TLL1: variants seen among roughly 807,000 people sequenced by gnomAD.
The protein encoded by TLL1 is tolloid-like protein 1.
In TLL1, 49 loss-of-function variants were observed where a neutral mutation model predicts 128.2. The ratio of observed to expected loss-of-function variants is 0.38; its 90% CI spans 0.30 to 0.48. TLL1 has a LOEUF of 0.48. Among genes scored for constraint, TLL1 ranks in the 20% least tolerant of loss-of-function variants. The probability of loss-of-function intolerance (pLI) is 0.96; values close to 1 mark genes in which losing one functional copy is unlikely to be tolerated. For missense variants in TLL1, 1,123 were observed against 1,242.0 expected, an observed-to-expected ratio of 0.90 and a Z score of 1.44; for synonymous variants, 454 against 418.8, an observed-to-expected ratio of 1.08 and a Z score of -1.03.
intron 1 of TLL1, among the ~76,000 whole-genome samples, chr4:165,927,067 A>T (rs1273202836): frequency 6.6e-6 from 1 of 152,204 alleles, no homozygotes; most frequent in Non-Finnish European, 1.5e-5. Flanking sequence ...CTAGAGTAGA[A>T]CTCTGCAAAC....
At chr4:166,022,988 A>G (rs1738312538) in intron 8 of TLL1, among the ~76,000 whole-genome samples, 1 of 152,248 alleles carries the variant, frequency 6.6e-6, no homozygotes, top group African/African-American at 2.4e-5. Flanking sequence ...TACTCTCACA[A>G]GAAACACCAT....
intron 1 of TLL1, among the ~76,000 whole-genome samples, chr4:165,965,547 T>C (rs1054153661): frequency 2.0e-5 from 3 of 152,182 alleles, no homozygotes; most frequent in Non-Finnish European, 4.4e-5. Context: ...CCACAGCATA[T>C]TGAGTCTGAG....
chr4:166,086,253 T>C lies in TLL1; in HGVS notation c.2443-4875T>C, dbSNP rs909990294. 2.6e-5 allele frequency among the ~76,000 whole-genome samples: 4 copies of C among 152,134 alleles called. No homozygotes were observed. In the South Asian group the frequency reaches 6.2e-4, roughly 24 times the overall value. On this transcript the variant is annotated intron_variant, in intron 18 of 20. Coordinates refer to ENST00000061240, the MANE Select transcript of TLL1 (RefSeq NM_012464.5). ...CTGAACTATCAGAGTCAGTTTATTA[T>C]AGATTTTTATCGAGACTTAGGCATT...
chr4:165,969,441 G>A (rs896541724), intron 1 of TLL1, among the ~76,000 whole-genome samples: 2 of 152,172 alleles, frequency 1.3e-5, no homozygotes, highest in African/African-American at 4.8e-5. Context: ...ATTTGATGGA[G>A]GTGGAGTGCA....
chr4:165,948,833 G>C (rs980516267), intron 1 of TLL1, among the ~76,000 whole-genome samples: 8 of 152,084 alleles, frequency 5.3e-5, no homozygotes, highest in African/African-American at 1.2e-4. Flanking sequence ...ACTGAAAGAA[G>C]TATGAAGGTA....
intron 16 of TLL1, among the ~76,000 whole-genome samples, chr4:166,067,897 T>C (rs932866954): frequency 3.3e-5 from 5 of 151,836 alleles, no homozygotes; most frequent in African/African-American, 1.2e-4. Flanking sequence ...TTAAACCTAG[T>C]ATCTCTTGGT....
chr4:165,884,555 G>C (rs1018427551), intron 1 of TLL1, among the ~76,000 whole-genome samples: 2 of 152,180 alleles, frequency 1.3e-5, no homozygotes, highest in African/African-American at 4.8e-5. Flanking sequence ...TCAACTTGTG[G>C]CTGGGCGCAG....
chr4:166,098,362 G>T (rs967193075), intron 19 of TLL1, among the ~76,000 whole-genome samples: 4 of 145,648 alleles, frequency 2.7e-5, no homozygotes, highest in Non-Finnish European at 4.5e-5. Flanking sequence ...AAAAGCTTTG[G>T]GGCTCTGACT....
At chr4:166,036,246 T>C (rs1023447622) in intron 9 of TLL1, among the ~76,000 whole-genome samples, 8 of 152,084 alleles carry the variant, frequency 5.3e-5, no homozygotes, top group African/African-American at 1.9e-4. Flanking sequence ...TTCAGGATTC[T>C]TCACTCTCCA....
At chr4:166,043,014 G>A (rs1012069162) in intron 11 of TLL1, among the ~76,000 whole-genome samples, 1 of 151,976 alleles carries the variant, frequency 6.6e-6, no homozygotes, top group Admixed American at 6.6e-5. Context: ...GGTTTTTAAA[G>A]GTTAAAAAAT....
intron 18 of TLL1, among the ~76,000 whole-genome samples, chr4:166,088,845 G>A (rs2111155223): frequency 6.6e-6 from 1 of 152,204 alleles, no homozygotes. Flanking sequence ...CTGTTAAGCA[G>A]ATGTTATGAT....
At position 166,014,466 on chromosome 4, in the gene TLL1, C is replaced by T. The variant is rs1346401157; in HGVS notation, c.948C>T (p.Ser316=). 3.1e-6 allele frequency: 5 copies of T among 1,612,086 alleles called. No individual in the cohort carries two copies. The highest frequency in any genetic ancestry group is 4.2e-6 in the Non-Finnish European group (5 of 1,178,730). ...RGMFLDTILP[S]RDDNGIRPAI... is the part of the protein sequence containing the mutation. Reference sequence around the variant, plus strand: ...TGTTTCTGGATACCATTCTCCCCTCCCGTGATGATAATGGCATACGTCCTG... The same window carrying T: ...TGTTTCTGGATACCATTCTCCCCTCTCGTGATGATAATGGCATACGTCCTG... The change falls in exon 8 of 21, where the codon TCC becomes TCT. Residue 316 remains serine, a synonymous_variant. Transcript: ENST00000061240.
At chr4:165,980,311 T>C (rs1044717486) in intron 1 of TLL1, among the ~76,000 whole-genome samples, 2 of 152,092 alleles carry the variant, frequency 1.3e-5, no homozygotes, top group Admixed American at 6.6e-5. Context: ...TTCAGGAACA[T>C]GGGCAAGACC....
chr4:166,102,262 T>C lies in TLL1; in HGVS notation c.*1386T>C, dbSNP rs1329433510. 2.6e-5 allele frequency: 4 copies of C among 152,492 alleles called. No homozygotes were observed. Among genetic ancestry groups the C allele is most frequent in the Non-Finnish European group, 5.9e-5 (4 of 67,970 alleles). 9.4% of individuals were successfully genotyped at this position (152,492 alleles called of 1,614,324 possible). On this transcript the variant is annotated 3_prime_UTR_variant, in exon 21 of 21. Coordinates refer to ENST00000061240, the MANE Select transcript of TLL1 (RefSeq NM_012464.5). ...TATGAAGAAAATCCATTTCCATGAC[T>C]GAAGCATTGGATATAAATATGGTGT...
At chr4:165,910,049 A>G (rs547072130) in intron 1 of TLL1, among the ~76,000 whole-genome samples, 2 of 152,314 alleles carry the variant, frequency 1.3e-5, no homozygotes, top group African/African-American at 4.8e-5. Flanking sequence ...GAACCCAAAC[A>G]GAAGCATGAT....
intron 1 of TLL1, among the ~76,000 whole-genome samples, chr4:165,945,451 T>C (rs1003641014): frequency 6.6e-6 from 1 of 152,130 alleles, no homozygotes; most frequent in African/African-American, 2.4e-5. Flanking sequence ...TGGTTGGTGA[T>C]TCATCAGAGG....
intron 1 of TLL1, among the ~76,000 whole-genome samples, chr4:165,882,890 T>A (rs1217861296): frequency 6.6e-6 from 1 of 151,776 alleles, no homozygotes; most frequent in Non-Finnish European, 1.5e-5. Flanking sequence ...TGGGAAGAGA[T>A]TTGTGAGCAG....
chr4:165,949,622 A>G (rs1157027660), intron 1 of TLL1, among the ~76,000 whole-genome samples: 1 of 152,146 alleles, frequency 6.6e-6, no homozygotes, highest in African/African-American at 2.4e-5. Flanking sequence ...CAATCACAGC[A>G]GAAGGTGAAA....
chr4:166,002,158 T>C (rs28418939), intron 5 of TLL1, among the ~76,000 whole-genome samples: 5,792 of 152,178 alleles, frequency 0.038, 223 homozygotes, highest in East Asian at 0.15. Context: ...CTCTGGTGCA[T>C]AGACGGATGT....
Sources: gnomAD v4.1 joint callset for allele counts (sites outside exome capture counted in the v4.1 genomes callset) on GRCh38, gnomAD v4.1.1 for gene constraint, MANE v1.5 for transcripts, NCBI Gene and HGNC (gene_info 2026-07-23, HGNC 2026-07-21) for gene names.